The following SPTBN1 variants were observed in gnomAD, a reference collection of about 807,000 sequenced individuals.
The protein encoded by SPTBN1 is spectrin beta chain, non-erythrocytic 1.
In SPTBN1, 32 loss-of-function variants were observed where a neutral mutation model predicts 266.4. That is an observed-to-expected ratio of 0.12 (90% CI 0.09 to 0.16). The LOEUF is 0.16. Ranked by LOEUF, SPTBN1 falls within the 10% of genes least tolerant of loss-of-function variation. SPTBN1 has a pLI of 1.00. For missense variants in SPTBN1, 2,296 were observed against 3,067.1 expected (o/e 0.75, Z 5.94); for synonymous variants, 1,336 against 1,162.2 (o/e 1.15, Z -3.04).
intron 2 of SPTBN1, among the ~76,000 whole-genome samples, chr2:54,565,410 G>A (rs556827321): frequency 6.6e-5 from 10 of 152,178 alleles, no homozygotes; most frequent in Admixed American, 4.6e-4. Flanking sequence ...TAGAGAAGCC[G>A]TTGAACATCT....
rs138821267 is a variant in SPTBN1 at position 54,587,136 on chromosome 2, C to T, written c.149-11956C>T. Among the ~76,000 whole-genome samples the T allele has an allele frequency of 1.3e-3, 195 of 152,256 alleles. 6 individuals carry two copies. The South Asian group carries it at 0.036, about 28-fold the overall frequency. ...ATATTGCATGAAATAAGAAACATCA[C>T]AAATTTGAATTCTCTCTCAATACCT... On this transcript the variant is annotated intron_variant, in intron 2 of 35. Transcript: ENST00000356805.
At chr2:54,484,297 G>C (rs1476030961) in intron 1 of SPTBN1, among the ~76,000 whole-genome samples, 3 of 152,158 alleles carry the variant, frequency 2.0e-5, no homozygotes, top group African/African-American at 7.2e-5. Context: ...TTATATGCTT[G>C]GGAATTGTGT....
intron 18 of SPTBN1, 59 bp downstream of exon 18, chr2:54,637,862 C>A: frequency 1.5e-6 from 2 of 1,361,620 alleles, no homozygotes; most frequent in Non-Finnish European, 2.1e-6. Context: ...TGCCAGCCAG[C>A]ATTTAGCACA....
At chr2:54,648,082 G>T (rs918999409) in intron 24 of SPTBN1, among the ~76,000 whole-genome samples, 5 of 152,226 alleles carry the variant, frequency 3.3e-5, no homozygotes, top group Non-Finnish European at 5.9e-5. Context: ...GGAAAAAGAA[G>T]AGGTGAGTGT....
In SPTBN1 at chr2:54,513,259, G is replaced by A. The variant is rs1008958792; in HGVS notation, c.-47-13113G>A. The stretch of plus-strand genomic sequence containing the variant: ...CCTTGCAGAGCTTGTGGTGGTGGGG[G>A]GAGGTATATGTGTCTCACATATCAC... On this transcript the variant is annotated intron_variant, in intron 1 of 35. Coordinates refer to ENST00000356805, the MANE Select transcript of SPTBN1 (RefSeq NM_003128.3). Among the ~76,000 whole-genome samples the A allele has an allele frequency of 2.0e-5, 3 of 152,138 alleles. No homozygotes were observed. In the South Asian group the frequency reaches 6.2e-4, roughly 32 times the overall value.
At chr2:54,471,943 GTTC>G (rs1430860472) in intron 1 of SPTBN1, among the ~76,000 whole-genome samples, 1 of 144,040 alleles carries the variant, frequency 6.9e-6, no homozygotes. Flanking sequence ...TTCACTTGTA[GTTC>G]TTCTGCTCTG....
Position 54,629,731 on chromosome 2 carries a change from A to C in SPTBN1, c.2597A>C (p.Asp866Ala). ...GCTGATGCCTGTGAGCTCTGGATCGACGAGAAGGAGCAGTGGCTCAACAAC... is the reference window on the plus strand; with the variant it reads ...GCTGATGCCTGTGAGCTCTGGATCGCCGAGAAGGAGCAGTGGCTCAACAAC... Reference protein sequence around the residue: ...SEADACELWIDEKEQWLNNMQ... With the variant: ...SEADACELWIAEKEQWLNNMQ... The change falls in exon 14 of 36, where the codon GAC becomes GCC. Residue 866 changes from aspartate (D) to alanine (A), a missense_variant. By Grantham distance (126) the Asp-to-Ala change is moderately radical. Coordinates refer to ENST00000356805, the MANE Select transcript of SPTBN1 (RefSeq NM_003128.3). The C allele has an allele frequency of 6.2e-7, 1 of 1,612,512 alleles. No individual in the cohort carries two copies. Among genetic ancestry groups the C allele is most frequent in the Non-Finnish European group, 8.5e-7 (1 of 1,180,022 alleles).
rs1693030063 is a variant in SPTBN1 at position 54,456,381 on chromosome 2, A to G, written c.-185A>G. ...GAGCGAGCGCGCAGCCCTGCGCAGCAGCGCCCACTGGTCCCGTCCTGTGAG... is the reference window on the plus strand; with the variant it reads ...GAGCGAGCGCGCAGCCCTGCGCAGCGGCGCCCACTGGTCCCGTCCTGTGAG... On this transcript the variant is annotated 5_prime_UTR_variant, in exon 1 of 36. Transcript: ENST00000356805. 6.6e-6 allele frequency: 1 copy of G among 152,280 alleles called. No individual in the cohort carries two copies. Among genetic ancestry groups the G allele is most frequent in the Non-Finnish European group, 1.5e-5 (1 of 68,296 alleles). 9.4% of individuals were successfully genotyped at this position (152,280 alleles called of 1,614,324 possible).
At position 54,533,331 on chromosome 2, in the gene SPTBN1, C is replaced by G. The variant is rs1273230871; in HGVS notation, c.148+6765C>G. On this transcript the variant is annotated intron_variant, in intron 2 of 35. Transcript: ENST00000356805. This position sits in a 1 kb window ranked among gnomAD's most constrained non-coding sequence, Gnocchi z 4.2. Reference sequence around the variant, plus strand: ...GGTAACTGAACCATGGAAAGTGAAACCCAGGCTAAAGGGGACTAGTGTGTG... The same window carrying G: ...GGTAACTGAACCATGGAAAGTGAAAGCCAGGCTAAAGGGGACTAGTGTGTG... Among the ~76,000 whole-genome samples, 1 of 150,072 alleles carries G rather than the reference C, an allele frequency of 6.7e-6. No homozygotes were observed. The highest frequency in any genetic ancestry group is 1.5e-5 in the Non-Finnish European group (1 of 67,780).
chr2:54,459,275 T>A (rs1191318395), intron 1 of SPTBN1, among the ~76,000 whole-genome samples: 3 of 152,120 alleles, frequency 2.0e-5, no homozygotes, highest in African/African-American at 7.2e-5. Flanking sequence ...ACAGTTGAGG[T>A]TTTCTGTGAA....
intron 3 of SPTBN1, among the ~76,000 whole-genome samples, chr2:54,604,302 A>G (rs1395197528): frequency 6.6e-6 from 1 of 152,060 alleles, no homozygotes; most frequent in Non-Finnish European, 1.5e-5. Flanking sequence ...CTTCCCTTAT[A>G]TCTTCCTCTC....
At chr2:54,508,585 G>A (rs532530124) in intron 1 of SPTBN1, among the ~76,000 whole-genome samples, 1 of 152,178 alleles carries the variant, frequency 6.6e-6, no homozygotes, top group Non-Finnish European at 1.5e-5. Context: ...ATGAAATGAC[G>A]AATAGAATGG....
intron 17 of SPTBN1, among the ~76,000 whole-genome samples, chr2:54,633,408 CGTGTGTGTGT>C (rs370440106): frequency 6.8e-6 from 1 of 146,688 alleles, no homozygotes; most frequent in Non-Finnish European, 1.5e-5. Context: ...TTTTTATTTA[CGTGTGTGTGT>C]GTGTGTGCGT....
At chr2:54,663,367 G>A (rs1246641393) in intron 32 of SPTBN1, 1 of 152,226 alleles carries the variant, frequency 6.6e-6, no homozygotes, top group Non-Finnish European at 1.5e-5. Context: ...TAAAGTGTCA[G>A]CCACACCCAG....
chr2:54,495,085 C>T (rs897491190), intron 1 of SPTBN1, among the ~76,000 whole-genome samples: 1 of 151,976 alleles, frequency 6.6e-6, no homozygotes, highest in African/African-American at 2.4e-5. Flanking sequence ...ACAGAAGGTA[C>T]AATGAAGACC....
At chr2:54,616,965 C>G (rs1271951146) in intron 5 of SPTBN1, among the ~76,000 whole-genome samples, 1 of 152,098 alleles carries the variant, frequency 6.6e-6, no homozygotes, top group East Asian at 1.9e-4. Flanking sequence ...ATTCTGAGAG[C>G]TAGCTGAAAA....
intron 2 of SPTBN1, among the ~76,000 whole-genome samples, chr2:54,534,745 G>A (rs1671500127): frequency 6.6e-6 from 1 of 152,132 alleles, no homozygotes; most frequent in Admixed American, 6.5e-5. Flanking sequence ...CCTCAGCAAT[G>A]GCTGAAATCT....
intron 1 of SPTBN1, among the ~76,000 whole-genome samples, chr2:54,501,234 T>C (rs1669250882): frequency 6.6e-6 from 1 of 152,180 alleles, no homozygotes; most frequent in Non-Finnish European, 1.5e-5. Flanking sequence ...TGCCCTTCCT[T>C]ATCCCACATG....
At chr2:54,581,577 C>CTTTTTTTTTTTTTTTTTTTTT (rs70944181) in intron 2 of SPTBN1, among the ~76,000 whole-genome samples, 52 of 102,634 alleles carry the variant, frequency 5.1e-4, no homozygotes, top group Admixed American at 8.9e-4. Context: ...TTTCTTTGCC[C>CTTTTTTTTTTTTTTTTTTTTT]TTTTTTTTTT....
Sources: allele counts gnomAD v4.1 joint callset (sites outside exome capture counted in the v4.1 genomes callset), GRCh38; gene constraint gnomAD v4.1.1; non-coding constraint Gnocchi (gnomAD v3.1); transcripts MANE v1.5; gene names NCBI Gene and HGNC (gene_info 2026-07-23, HGNC 2026-07-21).